The following MNAT1 variants were observed in gnomAD, a reference collection of about 807,000 sequenced individuals.
MNAT1 encodes MNAT1 component of CDK activating kinase, also known as CDK-activating kinase assembly factor MAT1.
Under a neutral mutation model 42.0 loss-of-function variants are expected in MNAT1, and 43 were observed. That is an observed-to-expected ratio of 1.02 (90% confidence interval 0.80 to 1.32). MNAT1 has a LOEUF of 1.32. MNAT1 is among the 40% of genes most tolerant of loss of function. The pLI, the probability that MNAT1 is intolerant of heterozygous loss-of-function variation, is 0.00. For synonymous variants in MNAT1, 118 were observed against 120.0 expected, an observed-to-expected ratio of 0.98 and a Z score of 0.11; for missense variants, 306 against 350.4, an observed-to-expected ratio of 0.87 and a Z score of 1.01.
chr14:60,885,695 A>G (rs1375715102), intron 7 of MNAT1, among the ~76,000 whole-genome samples: 1 of 152,004 alleles, frequency 6.6e-6, no homozygotes, highest in African/African-American at 2.4e-5. Context: ...TAGTTTGCAA[A>G]TATATTTTCC....
chr14:60,859,636 T>A (rs1298701152), intron 6 of MNAT1, among the ~76,000 whole-genome samples: 13 of 152,254 alleles, frequency 8.5e-5, no homozygotes. Flanking sequence ...CTGTTTTTTA[T>A]TTTGTTCAAG....
intron 1 of MNAT1, among the ~76,000 whole-genome samples, chr14:60,747,032 C>T (rs1896656732): frequency 7.0e-6 from 1 of 142,184 alleles, no homozygotes; most frequent in South Asian, 2.3e-4. Flanking sequence ...GTCGCCCAGT[C>T]TGGAGTACAG....
At chr14:60,854,126 C>T (rs918342397) in intron 6 of MNAT1, among the ~76,000 whole-genome samples, 19 of 152,158 alleles carry the variant, frequency 1.2e-4, no homozygotes, top group African/African-American at 3.4e-4. Context: ...ACGAAGTTCT[C>T]GTGCTGTGTT....
Position 60,887,628 on chromosome 14 carries a change from A to G in MNAT1, c.809+7793A>G, listed in dbSNP as rs571936831. On this transcript the variant is annotated intron_variant, in intron 7 of 7. Coordinates refer to ENST00000261245, the MANE Select transcript of MNAT1 (RefSeq NM_002431.4). ...AGAACTGCAGGAAATAGAGACACAA[A>G]AAACCCTTCAAAAAATTAATGTATC... is the stretch of plus-strand genomic sequence containing the variant. Among the ~76,000 whole-genome samples the G allele has an allele frequency of 2.6e-4, 40 of 152,160 alleles. No homozygotes were observed. In the South Asian group the frequency reaches 8.3e-3, roughly 32 times the overall value.
chr14:60,803,829 A>C (rs1174312935), intron 3 of MNAT1, among the ~76,000 whole-genome samples: 1 of 152,164 alleles, frequency 6.6e-6, no homozygotes, highest in Non-Finnish European at 1.5e-5. Flanking sequence ...AAAAATGAAA[A>C]CATTATAATT....
chr14:60,770,738 T>A (rs2031020643), intron 1 of MNAT1, among the ~76,000 whole-genome samples: 1 of 152,192 alleles, frequency 6.6e-6, no homozygotes, highest in South Asian at 2.1e-4. Flanking sequence ...GTTGCGTTAT[T>A]TTATATTTCT....
intron 7 of MNAT1, among the ~76,000 whole-genome samples, chr14:60,893,896 AGTC>A (rs2034895425): frequency 6.6e-6 from 1 of 152,126 alleles, no homozygotes; most frequent in Non-Finnish European, 1.5e-5. Context: ...TTCCAACGTT[AGTC>A]ATAGGAGGAC....
At chr14:60,802,178 G>T (rs1419199681) in intron 3 of MNAT1, among the ~76,000 whole-genome samples, 1 of 152,102 alleles carries the variant, frequency 6.6e-6, no homozygotes, top group African/African-American at 2.4e-5. Flanking sequence ...AAACATTGGA[G>T]AATAGGCAGT....
chr14:60,766,683 C>T (rs2030837708), intron 1 of MNAT1, among the ~76,000 whole-genome samples: 1 of 152,176 alleles, frequency 6.6e-6, no homozygotes, highest in Non-Finnish European at 1.5e-5. Context: ...GCACTCCAGC[C>T]TGGCGACAGA....
chr14:60,873,284 G>GT (rs1264387025), intron 6 of MNAT1, among the ~76,000 whole-genome samples: 7 of 150,038 alleles, frequency 4.7e-5, no homozygotes, highest in Admixed American at 2.0e-4. Flanking sequence ...CTTGCAGTAT[G>GT]TTTTTTTCTG....
At chr14:60,746,923 TACACACACACACACACAC>T (rs61278549) in intron 1 of MNAT1, among the ~76,000 whole-genome samples, 360 of 25,786 alleles carry the variant, frequency 0.014, 70 homozygotes, top group African/African-American at 0.02. Context: ...TATATATATA[TACACACACACACACACAC>T]ACACACACAC....
intron 6 of MNAT1, among the ~76,000 whole-genome samples, chr14:60,841,905 T>C (rs1170203783): frequency 6.6e-6 from 1 of 152,256 alleles, no homozygotes; most frequent in Admixed American, 6.5e-5. Flanking sequence ...TTACCTTGTT[T>C]ATTGGGAATA....
intron 7 of MNAT1, among the ~76,000 whole-genome samples, chr14:60,916,884 C>T (rs1414407346): frequency 3.9e-5 from 6 of 151,906 alleles, no homozygotes; most frequent in Admixed American, 1.3e-4. Context: ...ACCTGGGAGG[C>T]GGGGGTTGCA....
intron 6 of MNAT1, among the ~76,000 whole-genome samples, chr14:60,844,539 A>C (rs924950471): frequency 1.3e-5 from 2 of 152,008 alleles, no homozygotes; most frequent in African/African-American, 4.8e-5. Context: ...GTATATTTTT[A>C]CATTGGGCTT....
At chr14:60,913,199 G>A (rs1361260786) in intron 7 of MNAT1, among the ~76,000 whole-genome samples, 1 of 152,100 alleles carries the variant, frequency 6.6e-6, no homozygotes, top group East Asian at 1.9e-4. Context: ...GGACTTCTCT[G>A]CATTGGTTAT....
At chr14:60,757,681 A>G (rs2030417175) in intron 1 of MNAT1, among the ~76,000 whole-genome samples, 2 of 152,306 alleles carry the variant, frequency 1.3e-5, no homozygotes, top group South Asian at 4.1e-4. Flanking sequence ...CATTTGTCTG[A>G]GAAATACTGA....
chr14:60,834,701 C>T lies in MNAT1; in HGVS notation c.687+15854C>T, dbSNP rs545743769. 3.9e-5 allele frequency among the ~76,000 whole-genome samples: 6 copies of T among 152,226 alleles called. No individual in the cohort carries two copies. In the East Asian group the frequency reaches 1.2e-3, roughly 29 times the overall value. ...ACTTTCTCTAGAGCTAGTTCAAGTC[C>T]TGTATATCCTTGTTAATTTTTTGTG... is the stretch of plus-strand genomic sequence containing the variant. On this transcript the variant is annotated intron_variant, in intron 6 of 7. Coordinates refer to ENST00000261245, the MANE Select transcript of MNAT1 (RefSeq NM_002431.4).
intron 7 of MNAT1, among the ~76,000 whole-genome samples, chr14:60,962,200 A>T (rs2036605920): frequency 6.6e-6 from 1 of 152,228 alleles, no homozygotes; most frequent in South Asian, 2.1e-4. Context: ...GTGTAATGTC[A>T]TCTAAGCATA....
intron 3 of MNAT1, among the ~76,000 whole-genome samples, chr14:60,805,242 CT>C (rs555954529): frequency 1.6e-4 from 24 of 150,990 alleles, no homozygotes; most frequent in African/African-American, 2.7e-4. Flanking sequence ...TAAAAGTAGA[CT>C]TTTTTTTAGT....
Sources: allele counts gnomAD v4.1 joint callset (sites outside exome capture counted in the v4.1 genomes callset), GRCh38; gene constraint gnomAD v4.1.1; transcripts MANE v1.5; gene names NCBI Gene and HGNC (gene_info 2026-07-23, HGNC 2026-07-21).